The following MYO3A variants were observed in gnomAD, a reference collection of about 807,000 sequenced individuals.
MYO3A encodes the protein myosin IIIA.
A neutral mutation model predicts 192.7 loss-of-function variants in MYO3A; 180 were observed. That is an observed-to-expected ratio of 0.93 (90% CI 0.83 to 1.06). The LOEUF (loss-of-function observed/expected upper bound fraction) is 1.06, where lower values mean the gene tolerates loss of function less well. Among genes scored for constraint, MYO3A ranks in the 50% least tolerant of loss-of-function variants. MYO3A has a pLI of 0.00. For missense variants in MYO3A, 1,896 were observed against 1,905.0 expected (o/e 1.00, Z 0.09); for synonymous variants, 628 against 645.3 (o/e 0.97, Z 0.41).
intron 8 of MYO3A, 35 bp downstream of exon 8, chr10:26,021,683 C>A: frequency 1.2e-6 from 2 of 1,612,384 alleles, no homozygotes; most frequent in Non-Finnish European, 1.7e-6. Context: ...GTATCTGCAG[C>A]CCGATTTACT....
In MYO3A at chr10:26,212,177, C is replaced by A. The variant is rs1194846105; in HGVS notation, c.*214C>A. 4 of 643,920 alleles carry A rather than the reference C, an allele frequency of 6.2e-6. No individual in the cohort carries two copies. In the Admixed American group the frequency reaches 1.2e-4, roughly 20 times the overall value. 39.9% of individuals were successfully genotyped at this position (643,920 alleles called of 1,614,324 possible). ...GGAGCCCTCGGGAAACCTCCCCCGA[C>A]GCTCTCTCTCGGAACTCCCGCACCC... On this transcript the variant is annotated 3_prime_UTR_variant, in exon 35 of 35. Transcript: ENST00000642920.
At chr10:26,064,317 A>T (rs1280215483) in intron 10 of MYO3A, among the ~76,000 whole-genome samples, 2 of 152,198 alleles carry the variant, frequency 1.3e-5, no homozygotes, top group Non-Finnish European at 2.9e-5. Flanking sequence ...CAAAGCTGTG[A>T]GGTAGAAGCA....
In MYO3A at chr10:26,143,699, A is replaced by G. The variant is rs116256511; in HGVS notation, c.2416+98A>G. On this transcript the variant is annotated intron_variant, in intron 21 of 34. Transcript: ENST00000642920. ...GGCTTTAAATTATCTGGAAGAAAATAGCTGTCACAAAGCCTGCATATTTGA... is the reference window on the plus strand; with the variant it reads ...GGCTTTAAATTATCTGGAAGAAAATGGCTGTCACAAAGCCTGCATATTTGA... 6.0e-4 allele frequency: 862 copies of G among 1,439,786 alleles called. 8 individuals are homozygous for G. In the African/African-American group the frequency reaches 0.011, roughly 19 times the overall value. The allele number at this position is 1,439,786 out of a possible 1,614,324, so 89.2% of individuals were successfully genotyped here.
chr10:25,983,378 C>G (rs925144245), intron 4 of MYO3A, among the ~76,000 whole-genome samples: 13 of 151,850 alleles, frequency 8.6e-5, no homozygotes, highest in African/African-American at 3.1e-4. Flanking sequence ...GTCTCAGCCT[C>G]CCTAGTAGCT....
chr10:25,996,413 G>A, intron 4 of MYO3A, 77 bp from the exon 5 acceptor site: 1 of 1,190,144 alleles, frequency 8.4e-7, no homozygotes, highest in Non-Finnish European at 1.2e-6. Context: ...TTTTAAAAAT[G>A]TCTTGGAAGA....
At position 26,101,387 on chromosome 10, in the gene MYO3A, C is replaced by T. The variant is rs193173344; in HGVS notation, c.1776+4705C>T. 8.3e-3 allele frequency among the ~76,000 whole-genome samples: 1,265 copies of T among 152,252 alleles called. 17 individuals are homozygous for T. Among genetic ancestry groups the T allele is most frequent in the African/African-American group, 0.027 (1,134 of 41,544 alleles). ...TGTGTCTTTTAATTGGAGCATTTAG[C>T]CCATTTACATTTAAAGTTAATATTG... On this transcript the variant is annotated intron_variant, in intron 17 of 34. Transcript: ENST00000642920.
intron 4 of MYO3A, among the ~76,000 whole-genome samples, chr10:25,972,772 C>CT (rs1172489400): frequency 6.6e-6 from 1 of 152,132 alleles, no homozygotes; most frequent in Non-Finnish European, 1.5e-5. Flanking sequence ...ATTCCCTGGT[C>CT]TTTTTATTAA....
chr10:26,091,967 T>A (rs1056486287), intron 15 of MYO3A, among the ~76,000 whole-genome samples: 33 of 152,176 alleles, frequency 2.2e-4, no homozygotes, highest in Non-Finnish European at 4.3e-4. Flanking sequence ...CACAGTATGA[T>A]ATAAAACGTG....
At chr10:26,041,220 T>C (rs934170299) in intron 10 of MYO3A, among the ~76,000 whole-genome samples, 1 of 152,090 alleles carries the variant, frequency 6.6e-6, no homozygotes, top group African/African-American at 2.4e-5. Context: ...TCCTGCTTTT[T>C]TTGGTTCCGG....
chr10:26,058,249 T>C (rs942798097), intron 10 of MYO3A, among the ~76,000 whole-genome samples: 1 of 152,234 alleles, frequency 6.6e-6, no homozygotes, highest in Non-Finnish European at 1.5e-5. Flanking sequence ...TGTAGTTTTT[T>C]CAGATTAAGT....
At chr10:26,168,578 A>T in intron 27 of MYO3A, 134 bp from the exon 28 acceptor site, 1 of 858,560 alleles carries the variant, frequency 1.2e-6, no homozygotes. Context: ...AGTGACATCT[A>T]GGGCAAAGAA....
At chr10:25,941,894 C>T (rs1473827053) in intron 2 of MYO3A, among the ~76,000 whole-genome samples, 2 of 152,120 alleles carry the variant, frequency 1.3e-5, no homozygotes, top group Non-Finnish European at 2.9e-5. Context: ...CTCAACATAA[C>T]GTCTTCTCGG....
chr10:26,165,909 TCTA>T (rs1841718075), intron 26 of MYO3A, 155 bp from the exon 27 acceptor site: 1 of 734,770 alleles, frequency 1.4e-6, no homozygotes, highest in Non-Finnish European at 2.5e-6. Flanking sequence ...TGGAATTTGG[TCTA>T]CTCCGAAGTT....
intron 10 of MYO3A, among the ~76,000 whole-genome samples, chr10:26,031,839 A>G (rs1374682845): frequency 1.3e-5 from 2 of 152,162 alleles, no homozygotes; most frequent in East Asian, 1.9e-4. Flanking sequence ...TCTTTATTTT[A>G]TATATCTTGA....
chr10:26,061,268 G>A (rs1834461478), intron 10 of MYO3A, among the ~76,000 whole-genome samples: 1 of 152,114 alleles, frequency 6.6e-6, no homozygotes, highest in Non-Finnish European at 1.5e-5. Flanking sequence ...AGACATAAAA[G>A]GATGAATAAC....
chr10:26,013,454 A>G (rs1051827930), intron 6 of MYO3A, among the ~76,000 whole-genome samples: 6 of 152,106 alleles, frequency 3.9e-5, no homozygotes, highest in African/African-American at 1.2e-4. Context: ...AAAGTGGGCA[A>G]AGGACATGAA....
In MYO3A at chr10:26,200,266, T is replaced by TG. The variant is rs539706301; in HGVS notation, c.4546-998dup. ...TTAGAGCACAACAAATGATAAATCC[T>TG]GAAAAAAACGTGACTTACTGTGTCT... is the stretch of plus-strand genomic sequence containing the variant. On this transcript the variant is annotated intron_variant, in intron 32 of 34. Coordinates refer to ENST00000642920, the MANE Select transcript of MYO3A (RefSeq NM_017433.5). 2.7e-3 allele frequency among the ~76,000 whole-genome samples: 415 copies of TG among 152,290 alleles called. 2 individuals carry two copies. The highest frequency in any genetic ancestry group is 9.4e-3 in the African/African-American group (390 of 41,576).
intron 1 of MYO3A, among the ~76,000 whole-genome samples, chr10:25,935,109 C>A (rs11014865): frequency 0.078 from 11,924 of 152,126 alleles, 573 homozygotes; most frequent in African/African-American, 0.13. Context: ...TTTCTCAGAA[C>A]AAGCAGGTCG....
At chr10:26,092,558 A>G (rs1432088128) in intron 15 of MYO3A, among the ~76,000 whole-genome samples, 1 of 152,180 alleles carries the variant, frequency 6.6e-6, no homozygotes, top group African/African-American at 2.4e-5. Flanking sequence ...AGGTGAGTTA[A>G]GCTATACCCT....
Sources: allele counts gnomAD v4.1 joint callset (sites outside exome capture counted in the v4.1 genomes callset), GRCh38; gene constraint gnomAD v4.1.1; transcripts MANE v1.5; gene names NCBI Gene and HGNC (gene_info 2026-07-23, HGNC 2026-07-21).